The following CERS3 variants were observed in gnomAD, a reference collection of about 807,000 sequenced individuals.
The protein encoded by CERS3 is ceramide synthase 3, also known as LAG1 homolog, ceramide synthase 3.
Under a neutral mutation model 50.3 loss-of-function variants are expected in CERS3, and 33 were observed. The ratio of observed to expected loss-of-function variants is 0.66; its 90% CI spans 0.50 to 0.88. The LOEUF is 0.88. CERS3 is among the 40% of genes least tolerant of loss of function. The probability of loss-of-function intolerance (pLI) is 0.00; values close to 1 mark genes in which losing one functional copy is unlikely to be tolerated. For missense variants in CERS3, 470 were observed against 460.3 expected (o/e 1.02, Z -0.19); for synonymous variants, 176 against 155.2 (o/e 1.13, Z -0.99).
intron 11 of CERS3, among the ~76,000 whole-genome samples, chr15:100,415,345 A>AC (rs1278439976): frequency 6.9e-6 from 1 of 144,688 alleles, no homozygotes; most frequent in East Asian, 1.9e-4. Flanking sequence ...TTAAACTTGC[A>AC]TTGGGAATGC....
intron 10 of CERS3, among the ~76,000 whole-genome samples, chr15:100,468,030 C>G (rs2034841674): frequency 6.6e-6 from 1 of 151,730 alleles, no homozygotes; most frequent in African/African-American, 2.4e-5. Context: ...CCAGCCATTA[C>G]TAAAATTTCA....
At chr15:100,506,470 C>CCCCA in intron 2 of CERS3, among the ~76,000 whole-genome samples, 1 of 133,578 alleles carries the variant, frequency 7.5e-6, no homozygotes. Flanking sequence ...GACCCCCCCG[C>CCCCA]CGCCCCACAC....
intron 11 of CERS3, among the ~76,000 whole-genome samples, chr15:100,440,370 C>T (rs930768540): frequency 6.6e-6 from 1 of 152,222 alleles, no homozygotes; most frequent in Non-Finnish European, 1.5e-5. Flanking sequence ...AATTCCTTCT[C>T]CTGGCTCATT....
intron 2 of CERS3, among the ~76,000 whole-genome samples, chr15:100,516,560 G>A (rs1216938866): frequency 1.3e-5 from 2 of 152,134 alleles, no homozygotes; most frequent in Non-Finnish European, 2.9e-5. Flanking sequence ...GTCACCTACT[G>A]GGTACAGGAA....
chr15:100,472,988 G>T lies in CERS3; in HGVS notation c.674C>A (p.Ala225Asp). 1 of 1,613,902 alleles carries T rather than the reference G, an allele frequency of 6.2e-7. No individual in the cohort carries two copies. Among genetic ancestry groups the T allele is most frequent in the Non-Finnish European group, 8.5e-7 (1 of 1,179,902 alleles). ...AISLMSFSWCANYIRSGTLVM... is the reference protein window; with the variant it reads ...AISLMSFSWCDNYIRSGTLVM... ...GAGGGTCCCACTGCGAATATAATTA[G>T]CACACCAAGAGAAGCTCATCAGACT... Residue 225 changes from alanine (A) to aspartate (D), a missense_variant, in exon 9 of 12, where the codon GCT becomes GAT. Physicochemically the swap from Ala to Asp is moderately radical, Grantham distance 126. Coordinates refer to ENST00000679737, the MANE Select transcript of CERS3 (RefSeq NM_001378789.1).
At chr15:100,421,422 G>A (rs531784527) in intron 11 of CERS3, among the ~76,000 whole-genome samples, 1 of 151,986 alleles carries the variant, frequency 6.6e-6, no homozygotes, top group Non-Finnish European at 1.5e-5. Context: ...CACTGCTCAA[G>A]GAAGTAAAAG....
At chr15:100,423,691 A>T (rs1367414412) in intron 11 of CERS3, among the ~76,000 whole-genome samples, 1 of 152,144 alleles carries the variant, frequency 6.6e-6, no homozygotes, top group Non-Finnish European at 1.5e-5. Flanking sequence ...TGTACACCAA[A>T]CCCCAGCAAC....
At chr15:100,511,071 T>C (rs2036324104) in intron 2 of CERS3, among the ~76,000 whole-genome samples, 1 of 152,160 alleles carries the variant, frequency 6.6e-6, no homozygotes, top group African/African-American at 2.4e-5. Flanking sequence ...GTGGATCATC[T>C]GAGGTCAGGA....
intron 11 of CERS3, among the ~76,000 whole-genome samples, chr15:100,451,428 G>T (rs1277702760): frequency 6.6e-6 from 1 of 152,092 alleles, no homozygotes; most frequent in Admixed American, 6.6e-5. Context: ...ACTAGGCCAG[G>T]CATGGTGGCT....
intron 11 of CERS3, among the ~76,000 whole-genome samples, chr15:100,418,519 C>G (rs925898655): frequency 2.0e-5 from 3 of 148,038 alleles, no homozygotes; most frequent in Non-Finnish European, 4.5e-5. Context: ...AGGATATTAT[C>G]CAGGAGAACT....
At chr15:100,465,908 C>T (rs866584167) in intron 10 of CERS3, among the ~76,000 whole-genome samples, 42 of 152,192 alleles carry the variant, frequency 2.8e-4, no homozygotes, top group African/African-American at 1.0e-3. Context: ...ATCCTCCTGC[C>T]TTGGCCTCCC....
Position 100,501,790 on chromosome 15 carries a change from T to C in CERS3, c.60A>G (p.Ile20Met). Reference sequence around the variant, plus strand: ...CGTGATCCTCAAGATCTGACCACTTTATTGTTGGAGGAAGCCAGAATCTTT... The same window carrying C: ...CGTGATCCTCAAGATCTGACCACTTCATTGTTGGAGGAAGCCAGAATCTTT... ...WLERFWLPPT[I>M]KWSDLEDHDG... Residue 20 changes from isoleucine to methionine, a missense_variant, in exon 3 of 12, where the codon ATA becomes ATG. Physicochemically the swap from Ile to Met is conservative, Grantham distance 10. Transcript: ENST00000679737. 6.2e-7 allele frequency: 1 copy of C among 1,614,154 alleles called. No homozygotes were observed.
chr15:100,425,801 T>C (rs2032775298), intron 11 of CERS3, among the ~76,000 whole-genome samples: 1 of 152,086 alleles, frequency 6.6e-6, no homozygotes, highest in African/African-American at 2.4e-5. Context: ...TGGTTTGGGA[T>C]TTGTGTCCCC....
chr15:100,522,435 A>G lies in CERS3; in HGVS notation c.-91-679T>C, dbSNP rs371604401. 3.9e-5 allele frequency among the ~76,000 whole-genome samples: 6 copies of G among 152,328 alleles called. 1 individual carries two copies. Among genetic ancestry groups the G allele is most frequent in the African/African-American group, 1.2e-4 (5 of 41,568 alleles). On this transcript the variant is annotated intron_variant, in intron 1 of 11. Transcript: ENST00000679737. ...ATAATTATTGAAGTATAACATACAG[A>G]TGGTAAAGAAACAAAGCACAAAAGA...
At chr15:100,473,152 C>A (rs2035022732) in intron 8 of CERS3, 100 bp from the exon 9 acceptor site, 3 of 1,266,414 alleles carry the variant, frequency 2.4e-6, no homozygotes, top group Non-Finnish European at 3.2e-6. Context: ...TAACTTACAT[C>A]TGCATGTTTT....
At chr15:100,446,614 C>T (rs750560653) in intron 11 of CERS3, among the ~76,000 whole-genome samples, 1 of 152,126 alleles carries the variant, frequency 6.6e-6, no homozygotes, top group African/African-American at 2.4e-5. Flanking sequence ...ACAAGTCACT[C>T]AATCTGACAA....
chr15:100,474,463 G>C (rs2035062168), intron 8 of CERS3, among the ~76,000 whole-genome samples: 1 of 151,526 alleles, frequency 6.6e-6, no homozygotes, highest in Non-Finnish European at 1.5e-5. Flanking sequence ...GCAGTGCAGT[G>C]GTGCGATCTT....
At chr15:100,523,055 T>C (rs2036683326) in intron 1 of CERS3, among the ~76,000 whole-genome samples, 1 of 152,226 alleles carries the variant, frequency 6.6e-6, no homozygotes, top group Non-Finnish European at 1.5e-5. Flanking sequence ...ATTGCAGTTT[T>C]AATCTGCATT....
intron 11 of CERS3, among the ~76,000 whole-genome samples, chr15:100,428,550 T>C (rs1343507533): frequency 6.6e-6 from 1 of 152,226 alleles, no homozygotes; most frequent in East Asian, 1.9e-4. Context: ...ATCTGTATCA[T>C]ACTAGTGGCA....
Sources: allele counts gnomAD v4.1 joint callset (sites outside exome capture counted in the v4.1 genomes callset), GRCh38; gene constraint gnomAD v4.1.1; transcripts MANE v1.5; gene names NCBI Gene and HGNC (gene_info 2026-07-23, HGNC 2026-07-21).